Variants in CACNA2D1 observed in about 807,000 individuals in gnomAD.
CACNA2D1 encodes the protein voltage-dependent calcium channel subunit alpha-2/delta-1.
CACNA2D1 carries 53 observed loss-of-function variants against 171.5 expected under a neutral mutation model. The ratio of observed to expected loss-of-function variants is 0.31; its 90% CI spans 0.25 to 0.39. CACNA2D1 has a LOEUF of 0.39. Ranked by LOEUF, CACNA2D1 falls within the 10% of genes least tolerant of loss-of-function variation. The probability of loss-of-function intolerance (pLI) is 1.00; values close to 1 mark genes in which losing one functional copy is unlikely to be tolerated. For missense variants in CACNA2D1, 903 were observed against 1,299.8 expected (o/e 0.69, Z 4.69); for synonymous variants, 442 against 443.1 (o/e 1.00, Z 0.03).
At chr7:82,297,656 C>T in intron 3 of CACNA2D1, among the ~76,000 whole-genome samples, 1 of 152,080 alleles carries the variant, frequency 6.6e-6, no homozygotes, top group Non-Finnish European at 1.5e-5. Flanking sequence ...CTGAGATCAC[C>T]TTTAGCCTTT....
chr7:82,249,684 T>G (rs1290005886), intron 3 of CACNA2D1, among the ~76,000 whole-genome samples: 1 of 152,214 alleles, frequency 6.6e-6, no homozygotes, highest in African/African-American at 2.4e-5. Context: ...ACAATAATAC[T>G]GAACCCACCT....
chr7:82,291,401 C>G (rs966844762), intron 3 of CACNA2D1, among the ~76,000 whole-genome samples: 3 of 130,236 alleles, frequency 2.3e-5, no homozygotes, highest in African/African-American at 8.6e-5. Context: ...TACATCTACA[C>G]TAGATATATA....
At chr7:82,073,981 C>T (rs1808654225) in intron 7 of CACNA2D1, among the ~76,000 whole-genome samples, 1 of 151,804 alleles carries the variant, frequency 6.6e-6, no homozygotes, top group African/African-American at 2.4e-5. Context: ...GACACGAACA[C>T]AAAAAGGCAG....
intron 10 of CACNA2D1, among the ~76,000 whole-genome samples, chr7:82,044,644 A>G (rs1057403051): frequency 2.0e-5 from 3 of 152,214 alleles, no homozygotes; most frequent in Admixed American, 2.0e-4. Context: ...TAGTAAGTAC[A>G]AACACAAATT....
At chr7:81,957,923 T>TCTAGTGTC (rs1793618636) in intron 38 of CACNA2D1, among the ~76,000 whole-genome samples, 1 of 152,042 alleles carries the variant, frequency 6.6e-6, no homozygotes, top group African/African-American at 2.4e-5. Context: ...ATTTAATATT[T>TCTAGTGTC]CTAGTGTCAA....
At chr7:82,279,028 C>T (rs7807354) in intron 3 of CACNA2D1, among the ~76,000 whole-genome samples, 7,636 of 152,218 alleles carry the variant, frequency 0.05, 633 homozygotes, top group African/African-American at 0.17. Flanking sequence ...CCTCAGCCAC[C>T]CATCCCAGCA....
intron 1 of CACNA2D1, among the ~76,000 whole-genome samples, chr7:82,427,728 A>G (rs2129458340): frequency 6.6e-6 from 1 of 152,342 alleles, no homozygotes; most frequent in South Asian, 2.1e-4. Flanking sequence ...TGCAAGTTCC[A>G]TGAAATAATT....
At chr7:82,016,829 G>T (rs1490439946) in intron 12 of CACNA2D1, among the ~76,000 whole-genome samples, 1 of 151,948 alleles carries the variant, frequency 6.6e-6, no homozygotes, top group East Asian at 1.9e-4. Flanking sequence ...TCTTGCATAG[G>T]TTCTTGGCTA....
chr7:82,033,533 C>T (rs1324060392), intron 11 of CACNA2D1, among the ~76,000 whole-genome samples: 2 of 151,984 alleles, frequency 1.3e-5, no homozygotes, highest in African/African-American at 4.8e-5. Flanking sequence ...CTACTTTATT[C>T]ACTTCACATG....
intron 6 of CACNA2D1, among the ~76,000 whole-genome samples, chr7:82,107,087 C>T (rs1787851679): frequency 6.6e-6 from 1 of 152,062 alleles, no homozygotes; most frequent in Non-Finnish European, 1.5e-5. Context: ...ACAAGAGATA[C>T]AGAGTAAAAC....
rs1485989266 is a variant in CACNA2D1, at chr7:82,038,114, T to G, written c.1001A>C (p.Lys334Thr). Residue 334 changes from lysine (K) to threonine (T), a missense_variant, in exon 11 of 39, where the codon AAG becomes ACG. Physicochemically the swap from Lys to Thr is moderately conservative, Grantham distance 78 (BLOSUM62 -1). Around this residue, in one of 5 missense-constraint regions of CACNA2D1, gnomAD observed 623 missense variants for 925.5 expected, o/e 0.67. Coordinates refer to ENST00000356860, the MANE Select transcript of CACNA2D1 (RefSeq NM_000722.4). Reference sequence around the variant, plus strand: ...TTCAAAAGCAAAACTAAAGCCCTTCTTATAATCTGTAATTCCTTTGGCTGT... The same window carrying G: ...TTCAAAAGCAAAACTAAAGCCCTTCGTATAATCTGTAATTCCTTTGGCTGT... ...NITAKGITDYKKGFSFAFEQL... is the reference protein window; with the variant it reads ...NITAKGITDYTKGFSFAFEQL... The G allele has an allele frequency of 2.5e-6, 4 of 1,613,818 alleles. No homozygotes were observed. The highest frequency in any genetic ancestry group is 3.4e-6 in the Non-Finnish European group (4 of 1,179,868).
Position 82,396,141 on chromosome 7 carries a change from A to G in CACNA2D1, c.96-46492T>C, listed in dbSNP as rs912012465. Among the ~76,000 whole-genome samples, 126 of 152,228 alleles carry G rather than the reference A, an allele frequency of 8.3e-4. 1 individual carries two copies. Among genetic ancestry groups the G allele is most frequent in the African/African-American group, 2.9e-3 (121 of 41,548 alleles). On this transcript the variant is annotated intron_variant, in intron 1 of 38. Transcript: ENST00000356860. ...AAGGTTTAGTAGCCACTTTTTTCTG[A>G]GTTGAAATTACCTTTTCAGCTTTCA... is the stretch of plus-strand genomic sequence containing the variant.
At chr7:82,025,836 T>C (rs1020670526) in intron 12 of CACNA2D1, among the ~76,000 whole-genome samples, 4 of 151,730 alleles carry the variant, frequency 2.6e-5, no homozygotes, top group African/African-American at 9.7e-5. Context: ...TGTTTCCAGA[T>C]TGATCATCTG....
At chr7:82,029,775 G>A (rs1288008680) in intron 12 of CACNA2D1, 3 of 151,638 alleles carry the variant, frequency 2.0e-5, no homozygotes, top group African/African-American at 7.3e-5. Flanking sequence ...GTATTACTGT[G>A]TATCACAGAA....
chr7:81,992,001 A>ATT (rs11365736), intron 20 of CACNA2D1, among the ~76,000 whole-genome samples: 2,878 of 138,874 alleles, frequency 0.021, 97 homozygotes, highest in African/African-American at 0.072. Flanking sequence ...CGCCTGGCTC[A>ATT]TTTTTTTTTT....
At chr7:82,228,944 T>A (rs1802624608) in intron 3 of CACNA2D1, among the ~76,000 whole-genome samples, 1 of 152,112 alleles carries the variant, frequency 6.6e-6, no homozygotes, top group Admixed American at 6.6e-5. Flanking sequence ...ATGACTCTAA[T>A]GTTCTCTAAG....
rs554482278 is a variant in CACNA2D1, at chr7:81,976,146, T to G, written c.1956-1594A>C. 7.6e-4 allele frequency among the ~76,000 whole-genome samples: 116 copies of G among 152,242 alleles called. 1 individual carries two copies. Among genetic ancestry groups the G allele is most frequent in the African/African-American group, 2.6e-3 (107 of 41,562 alleles). On this transcript the variant is annotated intron_variant, in intron 24 of 38. Transcript: ENST00000356860. ...AAAGACATGCACTCAAGGGGAAAAC[T>G]TCAATAAAATTTATAATTCTGAAAT... is the stretch of plus-strand genomic sequence containing the variant.
chr7:82,160,750 G>T (rs1794864079), intron 4 of CACNA2D1, among the ~76,000 whole-genome samples: 1 of 152,106 alleles, frequency 6.6e-6, no homozygotes, highest in Non-Finnish European at 1.5e-5. Context: ...TGGGATTATG[G>T]GCAGAAGCCA....
chr7:82,339,832 T>C (rs1280821813), intron 2 of CACNA2D1, among the ~76,000 whole-genome samples: 1 of 152,190 alleles, frequency 6.6e-6, no homozygotes, highest in Non-Finnish European at 1.5e-5. Context: ...CCTGTTAATA[T>C]GTTGTTACAT....
Sources: allele counts gnomAD v4.1 joint callset (sites outside exome capture counted in the v4.1 genomes callset), GRCh38; gene constraint gnomAD v4.1.1; regional missense constraint gnomAD v4.1.1; transcripts MANE v1.5; gene names NCBI Gene and HGNC (gene_info 2026-07-23, HGNC 2026-07-21).